The following SPIRE1 variants were observed in gnomAD, a reference collection of about 807,000 sequenced individuals.
SPIRE1 encodes protein spire homolog 1.
A neutral mutation model predicts 94.1 loss-of-function variants in SPIRE1; 40 were observed. The ratio of observed to expected loss-of-function variants is 0.43; its 90% CI spans 0.33 to 0.55. The LOEUF is 0.55. Among genes scored for constraint, SPIRE1 ranks in the 20% least tolerant of loss-of-function variants. The pLI is 0.06. For synonymous variants in SPIRE1, 376 were observed against 371.7 expected (o/e 1.01, Z -0.13); for missense variants, 838 against 975.2 (o/e 0.86, Z 1.87).
chr18:12,534,738 CAT>C (rs1294554529), intron 4 of SPIRE1, among the ~76,000 whole-genome samples: 1 of 152,178 alleles, frequency 6.6e-6, no homozygotes, highest in Non-Finnish European at 1.5e-5. Flanking sequence ...TCCATAATGA[CAT>C]GAGCCAATTC....
chr18:12,476,541 C>CAAAAAAAAAA (rs558968043), intron 10 of SPIRE1, among the ~76,000 whole-genome samples: 1 of 46,816 alleles, frequency 2.1e-5, no homozygotes. Context: ...ACTCTGTCTC[C>CAAAAAAAAAA]AAAAAAAAAA....
chr18:12,631,057 T>C (rs766845928), intron 2 of SPIRE1, among the ~76,000 whole-genome samples: 5 of 152,158 alleles, frequency 3.3e-5, no homozygotes, highest in Non-Finnish European at 7.3e-5. Flanking sequence ...TGCCTGGGCT[T>C]CCTGCTGCCT....
chr18:12,464,005 A>G (rs1195230348), intron 11 of SPIRE1, among the ~76,000 whole-genome samples: 2 of 152,218 alleles, frequency 1.3e-5, no homozygotes, highest in African/African-American at 4.8e-5. Flanking sequence ...TTTGAAAACA[A>G]AAGGAGAACA....
intron 9 of SPIRE1, among the ~76,000 whole-genome samples, chr18:12,480,956 G>A (rs1286117748): frequency 6.6e-6 from 1 of 152,114 alleles, no homozygotes; most frequent in Non-Finnish European, 1.5e-5. Flanking sequence ...TGGGGCAAAG[G>A]GCATGCTAAG....
intron 11 of SPIRE1, 24 bp downstream of exon 11, chr18:12,464,844 G>C (rs988379325): frequency 6.3e-7 from 1 of 1,597,182 alleles, no homozygotes; most frequent in African/African-American, 1.3e-5. Flanking sequence ...TCCGACTACA[G>C]CTCTTAGCAC....
At chr18:12,452,627 C>A in intron 14 of SPIRE1, 115 bp from the exon 15 acceptor site, 1 of 1,032,540 alleles carries the variant, frequency 9.7e-7, no homozygotes, top group South Asian at 1.3e-5. Flanking sequence ...ATAACTCTCC[C>A]TTCTTCTATT....
intron 3 of SPIRE1, among the ~76,000 whole-genome samples, chr18:12,540,388 T>A (rs1168575269): frequency 2.0e-5 from 3 of 152,214 alleles, no homozygotes; most frequent in Admixed American, 2.0e-4. Context: ...TGTTACTTTT[T>A]TTTTGAAATG....
chr18:12,564,022 A>C (rs1311703917), intron 2 of SPIRE1, among the ~76,000 whole-genome samples: 1 of 152,188 alleles, frequency 6.6e-6, no homozygotes, highest in Non-Finnish European at 1.5e-5. Context: ...CTTTTCCTGA[A>C]ATTCATGTTG....
rs2034863561 is a variant in SPIRE1, at chr18:12,537,033, C to G, written c.604-1432G>C. On this transcript the variant is annotated intron_variant, in intron 3 of 16. Transcript: ENST00000409402. The stretch of plus-strand genomic sequence containing the variant: ...GGCTTTCTGTTTTCACGTATAGTAA[C>G]CATCTTACACAATCTAATAGATCAC... Among the ~76,000 whole-genome samples the G allele has an allele frequency of 2.6e-5, 4 of 152,208 alleles. No homozygotes were observed. In the South Asian group the frequency reaches 8.3e-4, roughly 32 times the overall value.
At chr18:12,524,932 T>C (rs1392348271) in intron 4 of SPIRE1, among the ~76,000 whole-genome samples, 1 of 151,332 alleles carries the variant, frequency 6.6e-6, no homozygotes, top group Non-Finnish European at 1.5e-5. Context: ...ATCACCCCAC[T>C]ACACTCCAGC....
intron 4 of SPIRE1, among the ~76,000 whole-genome samples, chr18:12,532,099 C>T (rs12967284): frequency 0.34 from 51,930 of 152,034 alleles, 9,186 homozygotes; most frequent in South Asian, 0.53. Flanking sequence ...GACAAAGTAA[C>T]AGCAGGCCTA....
intron 4 of SPIRE1, among the ~76,000 whole-genome samples, chr18:12,528,431 T>C (rs1427591475): frequency 1.3e-5 from 2 of 152,086 alleles, no homozygotes; most frequent in Non-Finnish European, 2.9e-5. Flanking sequence ...AGATAGACAT[T>C]TGAGTTAGGT....
intron 2 of SPIRE1, among the ~76,000 whole-genome samples, chr18:12,581,881 A>G (rs1382549374): frequency 7.6e-6 from 1 of 130,868 alleles, no homozygotes; most frequent in Non-Finnish European, 1.8e-5. Context: ...AATCATTATG[A>G]GAGACTGTTG....
intron 2 of SPIRE1, among the ~76,000 whole-genome samples, chr18:12,567,628 T>C (rs2035850279): frequency 6.6e-6 from 1 of 152,164 alleles, no homozygotes; most frequent in African/African-American, 2.4e-5. Flanking sequence ...CAATATGCAG[T>C]TACACTGGTA....
rs771319176 is a variant in SPIRE1 at position 12,479,849 on chromosome 18, T to C, written c.1254A>G (p.Thr418=). ...DLSDVTTPES[T]KNLVESSMVN... ...CCATAGATGACTCCACAAGATTCTT[T>C]GTAGATTCAGGGGTAGTCACATCTG... Residue 418 remains threonine, a synonymous_variant, in exon 10 of 17, where the codon ACA becomes ACG. Transcript: ENST00000409402. 7.4e-6 allele frequency: 12 copies of C among 1,613,918 alleles called. No individual in the cohort carries two copies. Among genetic ancestry groups the C allele is most frequent in the Non-Finnish European group, 9.3e-6 (11 of 1,179,936 alleles).
In SPIRE1 at chr18:12,559,173, CGGGGT is replaced by C. The variant is rs150438426; in HGVS notation, c.373-12274_373-12270del. Among the ~76,000 whole-genome samples, 11 of 108,458 alleles carry C rather than the reference CGGGGT, an allele frequency of 1.0e-4. No individual in the cohort carries two copies. The highest frequency in any genetic ancestry group is 9.4e-4 in the South Asian group (3 of 3,188). The allele number at this position is 108,458 out of a possible 152,430, so 71.2% of individuals were successfully genotyped here. A position where few individuals can be genotyped will look rare whatever the true frequency, so the allele number is the denominator to read the frequency against. ...GAGGCTCCATCTGCTTAGGAGCCCA[CGGGGT>C]GGGGTGGGGTGGGGGGGCGCCGGCA... On this transcript the variant is annotated intron_variant, in intron 2 of 16. Coordinates refer to ENST00000409402, the MANE Select transcript of SPIRE1 (RefSeq NM_001128626.2). The surrounding 1 kb of genome is among the most constrained non-coding windows in gnomAD (Gnocchi z 4.7).
In SPIRE1 at chr18:12,531,816, T is replaced by C. The variant is rs114014265; in HGVS notation, c.729+3660A>G. On this transcript the variant is annotated intron_variant, in intron 4 of 16. Transcript: ENST00000409402. ...CACAATAGATTAAAGGATACTACCATTAATATAATTTCATTTTCTCCAATA... is the reference window on the plus strand; with the variant it reads ...CACAATAGATTAAAGGATACTACCACTAATATAATTTCATTTTCTCCAATA... Among the ~76,000 whole-genome samples, 514 of 152,308 alleles carry C rather than the reference T, an allele frequency of 3.4e-3. 1 individual carries two copies. The highest frequency in any genetic ancestry group is 6.0e-3 in the Non-Finnish European group (408 of 68,024).
At chr18:12,628,452 C>T (rs1447104135) in intron 2 of SPIRE1, among the ~76,000 whole-genome samples, 1 of 152,092 alleles carries the variant, frequency 6.6e-6, no homozygotes, top group Non-Finnish European at 1.5e-5. Flanking sequence ...GTTACTGTAG[C>T]CTTGTAGTAT....
intron 4 of SPIRE1, among the ~76,000 whole-genome samples, chr18:12,534,375 AATGAT>A (rs2034778680): frequency 6.6e-6 from 1 of 152,198 alleles, no homozygotes; most frequent in Non-Finnish European, 1.5e-5. Flanking sequence ...TTGTAAAAGA[AATGAT>A]ACTGTGACAG....
Sources: gnomAD v4.1 joint callset for allele counts (sites outside exome capture counted in the v4.1 genomes callset) on GRCh38, gnomAD v4.1.1 for gene constraint, Gnocchi (gnomAD v3.1) non-coding constraint, MANE v1.5 for transcripts, NCBI Gene and HGNC (gene_info 2026-07-23, HGNC 2026-07-21) for gene names.